Variants in CTNND2 observed in about 807,000 individuals in gnomAD.
CTNND2 encodes the protein catenin delta 2.
A neutral mutation model predicts 144.4 loss-of-function variants in CTNND2; 22 were observed. That is an observed-to-expected ratio of 0.15 (90% confidence interval 0.11 to 0.22). The LOEUF (loss-of-function observed/expected upper bound fraction) is 0.22. Among genes scored for constraint, CTNND2 ranks in the 10% least tolerant of loss-of-function variants. The probability of loss-of-function intolerance (pLI) is 1.00; values close to 1 mark genes in which losing one functional copy is unlikely to be tolerated. For synonymous variants in CTNND2, 751 were observed against 695.6 expected, an observed-to-expected ratio of 1.08 and a Z score of -1.25; for missense variants, 1,353 against 1,618.8, an observed-to-expected ratio of 0.84 and a Z score of 2.82.
At chr5:11,772,949 T>C (rs1304555669) in intron 1 of CTNND2, among the ~76,000 whole-genome samples, 1 of 152,222 alleles carries the variant, frequency 6.6e-6, no homozygotes, top group Non-Finnish European at 1.5e-5. Flanking sequence ...TTAAGAGAAA[T>C]GCATCTTTTT....
At chr5:11,090,836 C>G (rs954997464) in intron 15 of CTNND2, among the ~76,000 whole-genome samples, 2 of 151,722 alleles carry the variant, frequency 1.3e-5, no homozygotes, top group African/African-American at 4.8e-5. Flanking sequence ...TAGATGCTGC[C>G]TCCCTGTCTT....
chr5:10,981,024 C>T (rs978415036), intron 21 of CTNND2, among the ~76,000 whole-genome samples: 1 of 151,808 alleles, frequency 6.6e-6, no homozygotes, highest in African/African-American at 2.4e-5. Flanking sequence ...CACATGTACC[C>T]CAGAACTTAA....
At position 11,641,613 on chromosome 5, in the gene CTNND2, C is replaced by T. The variant is rs968701588; in HGVS notation, c.175-76557G>A. Among the ~76,000 whole-genome samples, 13 of 144,348 alleles carry T rather than the reference C, an allele frequency of 9.0e-5. 1 individual carries two copies. The highest frequency in any genetic ancestry group is 1.8e-4 in the African/African-American group (7 of 38,546). The allele number at this position is 144,348 out of a possible 152,430, so 94.7% of individuals were successfully genotyped here. ...ATATACGTGTGTGTATATACATATACGTGTGTGTATACATATACGTGTGTG... is the reference window on the plus strand; with the variant it reads ...ATATACGTGTGTGTATATACATATATGTGTGTGTATACATATACGTGTGTG... On this transcript the variant is annotated intron_variant, in intron 2 of 21. Transcript: ENST00000304623.
Position 11,364,771 on chromosome 5 carries a change from G to C in CTNND2, c.1297C>G (p.Pro433Ala), listed in dbSNP as rs138359659. Residue 433 changes from proline to alanine, a missense_variant, in exon 8 of 22, where the codon CCT becomes GCT. By Grantham distance (27) the Pro-to-Ala change is conservative. This residue lies in a region of CTNND2 where 708 missense variants were observed against 706.4 expected (regional missense o/e 1.00). Transcript: ENST00000304623. ...IYEDRVYQKP[P>A]MRSLSQSQGD... Reference sequence around the variant, plus strand: ...TGGCTCTGGCTGAGACTCCTCATAGGGGGCTTCTGATAGACGCGGTCTTCA... The same window carrying C: ...TGGCTCTGGCTGAGACTCCTCATAGCGGGCTTCTGATAGACGCGGTCTTCA... The C allele has an allele frequency of 3.1e-6, 5 of 1,613,800 alleles. No homozygotes were observed. The highest frequency in any genetic ancestry group is 4.2e-6 in the Non-Finnish European group (5 of 1,179,934).
intron 3 of CTNND2, among the ~76,000 whole-genome samples, chr5:11,481,703 G>C (rs1581296539): frequency 1.3e-5 from 2 of 151,944 alleles, no homozygotes; most frequent in Admixed American, 1.3e-4. Context: ...GAACCTAAAA[G>C]GAATTATCTG....
intron 5 of CTNND2, among the ~76,000 whole-genome samples, chr5:11,408,364 A>C (rs1205699285): frequency 2.0e-5 from 3 of 152,132 alleles, no homozygotes; most frequent in African/African-American, 7.2e-5. Flanking sequence ...ATATGTTAAA[A>C]TTATTTTCCT....
At chr5:11,312,109 GCACA>G (rs1041936830) in intron 9 of CTNND2, among the ~76,000 whole-genome samples, 1 of 72,040 alleles carries the variant, frequency 1.4e-5, no homozygotes, top group Non-Finnish European at 2.9e-5. Context: ...CACCCCACAC[GCACA>G]CACACAAACT....
chr5:11,465,605 T>C (rs1260873350), intron 3 of CTNND2, among the ~76,000 whole-genome samples: 1 of 152,200 alleles, frequency 6.6e-6, no homozygotes, highest in African/African-American at 2.4e-5. Context: ...TGATGGGTAA[T>C]TATTTCAGCA....
intron 3 of CTNND2, among the ~76,000 whole-genome samples, chr5:11,484,202 C>T (rs1305409433): frequency 6.6e-6 from 1 of 152,216 alleles, no homozygotes; most frequent in Non-Finnish European, 1.5e-5. Context: ...GCCCATCTCA[C>T]TCAATATTCA....
At chr5:11,119,328 T>C (rs1187818781) in intron 12 of CTNND2, among the ~76,000 whole-genome samples, 1 of 152,214 alleles carries the variant, frequency 6.6e-6, no homozygotes, top group African/African-American at 2.4e-5. Flanking sequence ...TGTGTAACAC[T>C]GGGAAAGGTT....
At chr5:11,184,593 T>C (rs1419274089) in intron 11 of CTNND2, among the ~76,000 whole-genome samples, 1 of 152,208 alleles carries the variant, frequency 6.6e-6, no homozygotes, top group African/African-American at 2.4e-5. Flanking sequence ...CAAGGTTCCA[T>C]GGTTTTTAAA....
At chr5:11,608,800 C>G (rs1002461672) in intron 2 of CTNND2, among the ~76,000 whole-genome samples, 3 of 152,184 alleles carry the variant, frequency 2.0e-5, no homozygotes, top group Admixed American at 2.0e-4. Context: ...TCATTTTACT[C>G]TTTTGCCTAA....
At chr5:11,240,551 CACACACACTCAAA>C (rs1742250131) in intron 9 of CTNND2, among the ~76,000 whole-genome samples, 1 of 125,154 alleles carries the variant, frequency 8.0e-6, no homozygotes, top group East Asian at 2.6e-4. Context: ...ACACACCCAA[CACACACACTCAAA>C]ACACACACCC....
intron 3 of CTNND2, among the ~76,000 whole-genome samples, chr5:11,444,815 A>G (rs1172347319): frequency 2.0e-5 from 3 of 152,232 alleles, no homozygotes; most frequent in African/African-American, 2.4e-5. Flanking sequence ...TGTGGACAGG[A>G]AAGTGTCGAT....
intron 16 of CTNND2, among the ~76,000 whole-genome samples, chr5:11,026,729 T>C (rs149900089): frequency 2.0e-5 from 3 of 152,252 alleles, no homozygotes; most frequent in African/African-American, 7.2e-5. Flanking sequence ...ATTCATTCAT[T>C]TGGCAGGAAA....
intron 2 of CTNND2, among the ~76,000 whole-genome samples, chr5:11,699,484 T>C (rs1181417828): frequency 6.6e-6 from 1 of 152,028 alleles, no homozygotes; most frequent in Non-Finnish European, 1.5e-5. Context: ...GCATGAGAAA[T>C]TGAATAAAAA....
intron 14 of CTNND2, among the ~76,000 whole-genome samples, chr5:11,109,139 C>G (rs562001386): frequency 6.6e-6 from 1 of 152,168 alleles, no homozygotes; most frequent in East Asian, 1.9e-4. Context: ...TTCCTTAGAA[C>G]TCAGCAACAG....
In CTNND2 at chr5:11,362,220, C is replaced by T. The variant is rs558504643; in HGVS notation, c.1372+2476G>A. On this transcript the variant is annotated intron_variant, in intron 8 of 21. Coordinates refer to ENST00000304623, the MANE Select transcript of CTNND2 (RefSeq NM_001332.4). ...GAAGCAAACTTAGAATGTTTTTTTA[C>T]GGCTACTGGATAACTATATTTAATC... is the stretch of plus-strand genomic sequence containing the variant. 2.3e-4 allele frequency among the ~76,000 whole-genome samples: 35 copies of T among 152,210 alleles called. No homozygotes were observed. In the East Asian group the frequency reaches 3.3e-3, roughly 14 times the overall value.
At chr5:11,145,604 G>A (rs1432919737) in intron 12 of CTNND2, among the ~76,000 whole-genome samples, 1 of 152,016 alleles carries the variant, frequency 6.6e-6, no homozygotes, top group Non-Finnish European at 1.5e-5. Context: ...GTGCTATCAT[G>A]GGTCCTCTCA....
Sources: allele counts gnomAD v4.1 joint callset (sites outside exome capture counted in the v4.1 genomes callset), GRCh38; gene constraint gnomAD v4.1.1; regional missense constraint gnomAD v4.1.1; transcripts MANE v1.5; gene names NCBI Gene and HGNC (gene_info 2026-07-23, HGNC 2026-07-21).